The following MAMDC2 variants were observed in gnomAD, a reference collection of about 807,000 sequenced individuals.
MAMDC2 encodes MAM domain containing 2, also known as MAM domain-containing protein 2.
MAMDC2 carries 57 observed loss-of-function variants against 89.8 expected under a neutral mutation model. That is an observed-to-expected ratio of 0.63 (90% CI 0.51 to 0.79). The LOEUF (loss-of-function observed/expected upper bound fraction) is 0.79. Among genes scored for constraint, MAMDC2 ranks in the 30% least tolerant of loss-of-function variants. MAMDC2 has a pLI of 0.00. For missense variants in MAMDC2, 800 were observed against 820.6 expected (o/e 0.97, Z 0.31); for synonymous variants, 313 against 293.4 (o/e 1.07, Z -0.68).
chr9:70,118,356 T>C (rs1405903630), intron 5 of MAMDC2, among the ~76,000 whole-genome samples: 3 of 118,680 alleles, frequency 2.5e-5, no homozygotes, highest in Non-Finnish European at 3.5e-5. Context: ...ACAGTCCTCA[T>C]GCCTGGAGTC....
chr9:70,082,790 A>G (rs532015197), intron 2 of MAMDC2: 3 of 152,228 alleles, frequency 2.0e-5, no homozygotes, highest in Non-Finnish European at 2.9e-5. Flanking sequence ...AGTGTCAATC[A>G]TGGAAGTTAC....
intron 9 of MAMDC2, among the ~76,000 whole-genome samples, chr9:70,163,807 A>G (rs1314585206): frequency 1.3e-5 from 2 of 151,712 alleles, no homozygotes; most frequent in African/African-American, 4.8e-5. Flanking sequence ...TACAAAAATT[A>G]GCCGGGTGTG....
At chr9:70,129,333 T>C (rs1243779265) in intron 6 of MAMDC2, among the ~76,000 whole-genome samples, 4 of 152,204 alleles carry the variant, frequency 2.6e-5, no homozygotes, top group Admixed American at 6.5e-5. Flanking sequence ...CCACATAAGA[T>C]GTGACTTGCT....
At position 70,045,454 on chromosome 9, in the gene MAMDC2, T is replaced by C. The variant is rs554393917; in HGVS notation, c.148+757T>C. Among the ~76,000 whole-genome samples, 3 of 152,284 alleles carry C rather than the reference T, an allele frequency of 2.0e-5. No homozygotes were observed. The East Asian group carries it at 5.8e-4, about 29-fold the overall frequency. ...CAGGCGGCACTGGGTGTCCCTTCTT[T>C]CCTTTCTCTCTCTTTTGTCACCACC... On this transcript the variant is annotated intron_variant, in intron 2 of 13. Transcript: ENST00000377182.
At chr9:70,089,362 A>G (rs1423965078) in intron 2 of MAMDC2, 1 of 152,226 alleles carries the variant, frequency 6.6e-6, no homozygotes, top group African/African-American at 2.4e-5. Context: ...CATTTCTGCA[A>G]ATAATCCCTT....
intron 2 of MAMDC2, among the ~76,000 whole-genome samples, chr9:70,099,485 A>G (rs186958128): frequency 1.2e-4 from 18 of 152,308 alleles, no homozygotes; most frequent in Admixed American, 3.3e-4. Flanking sequence ...TGTTCTTTGC[A>G]GAAACTTCAT....
At chr9:70,192,353 T>C (rs1466100032) in intron 11 of MAMDC2, among the ~76,000 whole-genome samples, 4 of 152,110 alleles carry the variant, frequency 2.6e-5, no homozygotes, top group Non-Finnish European at 5.9e-5. Flanking sequence ...ACATGATTAT[T>C]ATACTCAAAA....
intron 2 of MAMDC2, among the ~76,000 whole-genome samples, chr9:70,067,136 C>T (rs1003022250): frequency 2.0e-5 from 3 of 152,202 alleles, no homozygotes; most frequent in African/African-American, 7.2e-5. Context: ...TCCGGGATGA[C>T]ACTTTTGTGT....
At chr9:70,181,843 T>G (rs927316793) in intron 11 of MAMDC2, among the ~76,000 whole-genome samples, 2 of 152,196 alleles carry the variant, frequency 1.3e-5, no homozygotes, top group Non-Finnish European at 2.9e-5. Flanking sequence ...TGAGTACCTT[T>G]TATTTCTTTC....
At chr9:70,148,378 G>A (rs2031472551) in intron 9 of MAMDC2, among the ~76,000 whole-genome samples, 2 of 150,222 alleles carry the variant, frequency 1.3e-5, no homozygotes, top group African/African-American at 2.5e-5. Flanking sequence ...GCATAACATA[G>A]TGATTAGGAG....
rs567064792 is a variant in MAMDC2 at position 70,126,501 on chromosome 9, C to A, written c.900+86C>A. 7 of 1,360,478 alleles carry A rather than the reference C, an allele frequency of 5.1e-6. No individual in the cohort carries two copies. In the African/African-American group the frequency reaches 8.5e-5, roughly 17 times the overall value. The allele number at this position is 1,360,478 out of a possible 1,614,324, so 84.3% of individuals were successfully genotyped here. A position where few individuals can be genotyped will look rare whatever the true frequency, so the allele number is the denominator to read the frequency against. ...CAGGGCTGGAGATGGAGAGGCTGTGCAGCCTCACACTCAGTCTGTCTTTTC... is the reference window on the plus strand; with the variant it reads ...CAGGGCTGGAGATGGAGAGGCTGTGAAGCCTCACACTCAGTCTGTCTTTTC... On this transcript the variant is annotated intron_variant, in intron 6 of 13. Coordinates refer to ENST00000377182, the MANE Select transcript of MAMDC2 (RefSeq NM_153267.5).
chr9:70,217,800 A>G, intron 11 of MAMDC2: 1 of 669,146 alleles, frequency 1.5e-6, no homozygotes, highest in Middle Eastern at 4.2e-4. Context: ...ATAATGGAAT[A>G]TGCATAACAT....
At chr9:70,070,009 T>G (rs1827366889) in intron 2 of MAMDC2, among the ~76,000 whole-genome samples, 2 of 152,158 alleles carry the variant, frequency 1.3e-5, no homozygotes, top group Non-Finnish European at 2.9e-5. Flanking sequence ...GCAAAAGGGA[T>G]GAGCTGAACT....
intron 2 of MAMDC2, among the ~76,000 whole-genome samples, chr9:70,046,831 C>G (rs1587421228): frequency 6.6e-6 from 1 of 152,188 alleles, no homozygotes; most frequent in East Asian, 1.9e-4. Context: ...CTGAGCACTC[C>G]AGGGTGGAGC....
intron 2 of MAMDC2, among the ~76,000 whole-genome samples, chr9:70,089,897 A>G (rs1224788221): frequency 1.3e-5 from 2 of 152,264 alleles, no homozygotes; most frequent in East Asian, 3.9e-4. Context: ...GTTGTTGAAA[A>G]TGAGCCTTTT....
chr9:70,124,260 G>A lies in MAMDC2; in HGVS notation c.644-1899G>A, dbSNP rs11141726. ...ATAAGCTTGATTTCTGTTTCTCGAT[G>A]TGGGGGAAATATGATTTCAAATACT... is the stretch of plus-strand genomic sequence containing the variant. On this transcript the variant is annotated intron_variant, in intron 5 of 13. Transcript: ENST00000377182. Among the ~76,000 whole-genome samples the A allele has an allele frequency of 7.1e-4, 108 of 152,274 alleles. 1 individual carries two copies. Among genetic ancestry groups the A allele is most frequent in the Admixed American group, 2.0e-3 (30 of 15,296 alleles).
At chr9:70,137,599 G>T (rs1187560916) in intron 7 of MAMDC2, among the ~76,000 whole-genome samples, 1 of 152,064 alleles carries the variant, frequency 6.6e-6, no homozygotes, top group Admixed American at 6.6e-5. Context: ...CCACCTGAAT[G>T]TTTTCTTGCT....
chr9:70,098,668 A>G (rs1336285171), intron 2 of MAMDC2, among the ~76,000 whole-genome samples: 3 of 152,216 alleles, frequency 2.0e-5, no homozygotes, highest in Non-Finnish European at 4.4e-5. Flanking sequence ...TTCCTGCTGT[A>G]AGAAAATGAT....
intron 11 of MAMDC2, among the ~76,000 whole-genome samples, chr9:70,174,497 G>C (rs1563987012): frequency 6.6e-6 from 1 of 152,162 alleles, no homozygotes; most frequent in South Asian, 2.1e-4. Context: ...CTTGAAAAGA[G>C]TTGAGGTAGC....
Sources: gnomAD v4.1 joint callset for allele counts (sites outside exome capture counted in the v4.1 genomes callset) on GRCh38, gnomAD v4.1.1 for gene constraint, MANE v1.5 for transcripts, NCBI Gene and HGNC (gene_info 2026-07-23, HGNC 2026-07-21) for gene names.